The following DROSHA variants were observed in gnomAD, a reference collection of about 807,000 sequenced individuals.
DROSHA encodes the protein drosha ribonuclease III, also known as ribonuclease 3.
A neutral mutation model predicts 181.9 loss-of-function variants in DROSHA; 56 were observed. That is an observed-to-expected ratio of 0.31 (90% CI 0.25 to 0.38). DROSHA has a LOEUF of 0.38. DROSHA is among the 10% of genes least tolerant of loss of function. DROSHA has a pLI of 1.00. For synonymous variants in DROSHA, 524 were observed against 591.2 expected (o/e 0.89, Z 1.65); for missense variants, 1,218 against 1,743.5 (o/e 0.70, Z 5.37).
intron 27 of DROSHA, among the ~76,000 whole-genome samples, chr5:31,425,026 C>G (rs1000405239): frequency 2.6e-5 from 4 of 152,094 alleles, no homozygotes; most frequent in Non-Finnish European, 5.9e-5. Context: ...ATGGAAACCC[C>G]TAGTATATTA....
At chr5:31,487,516 G>A (rs1373391208) in intron 13 of DROSHA, among the ~76,000 whole-genome samples, 2 of 152,160 alleles carry the variant, frequency 1.3e-5, no homozygotes, top group Non-Finnish European at 2.9e-5. Flanking sequence ...TGGCTAGCTG[G>A]GGAAAATAAC....
intron 6 of DROSHA, 30 bp downstream of exon 6, chr5:31,521,093 G>A (rs773033706): frequency 1.2e-5 from 20 of 1,606,056 alleles, no homozygotes; most frequent in South Asian, 1.1e-5. Context: ...ATAATCCTAT[G>A]ACTTCTTTCA....
intron 15 of DROSHA, 54 bp from the exon 16 acceptor site, chr5:31,483,682 A>G (rs918752441): frequency 6.7e-7 from 1 of 1,498,126 alleles, no homozygotes; most frequent in Non-Finnish European, 9.0e-7. Flanking sequence ...GTCTTAAAAA[A>G]CAAGCACTGC....
chr5:31,404,776 C>A (rs1740449927), intron 35 of DROSHA, among the ~76,000 whole-genome samples: 1 of 151,908 alleles, frequency 6.6e-6, no homozygotes. Flanking sequence ...CTAAAAAGCA[C>A]CAATATATAA....
chr5:31,416,444 C>G (rs147752107), intron 30 of DROSHA, among the ~76,000 whole-genome samples: 17 of 151,834 alleles, frequency 1.1e-4, no homozygotes, highest in African/African-American at 2.2e-4. Context: ...CAGTGATGAA[C>G]AAAAACATGC....
At chr5:31,483,468 G>C (rs940673813) in intron 16 of DROSHA, 86 bp downstream of exon 16, 2 of 1,338,016 alleles carry the variant, frequency 1.5e-6, no homozygotes, top group African/African-American at 2.9e-5. Flanking sequence ...AGGTGGGAAA[G>C]TTGTCCCTGA....
rs1335129194 is a variant in DROSHA, at chr5:31,428,142, A to G, written c.3216+1333T>C. On this transcript the variant is annotated intron_variant, in intron 27 of 35. Transcript: ENST00000344624. ...CTCACTAAGTAGACAACTGGGAGAG[A>G]GGCAGTTTAAAGAGAAAAGAATCTA... Among the ~76,000 whole-genome samples the G allele has an allele frequency of 1.3e-5, 2 of 152,296 alleles. 1 individual carries two copies. Among genetic ancestry groups the G allele is most frequent in the South Asian group, 4.2e-4 (2 of 4,814 alleles).
intron 8 of DROSHA, among the ~76,000 whole-genome samples, chr5:31,511,919 TCTCA>T (rs959070534): frequency 6.7e-6 from 1 of 149,160 alleles, no homozygotes; most frequent in Non-Finnish European, 1.5e-5. Context: ...TCTCTCTCTC[TCTCA>T]CACACACGCA....
At chr5:31,486,587 A>C in intron 13 of DROSHA, 25 bp from the exon 14 acceptor site, 1 of 1,606,788 alleles carries the variant, frequency 6.2e-7, no homozygotes, top group Non-Finnish European at 8.5e-7. Flanking sequence ...AGTGAGGTTC[A>C]GTTCCCCAAC....
chr5:31,444,553 T>C (rs1746024364), intron 23 of DROSHA, among the ~76,000 whole-genome samples: 1 of 152,130 alleles, frequency 6.6e-6, no homozygotes, highest in Non-Finnish European at 1.5e-5. Flanking sequence ...ACAATTTACA[T>C]ACCAACAACT....
At chr5:31,422,137 T>C (rs949138614) in intron 29 of DROSHA, among the ~76,000 whole-genome samples, 4 of 150,030 alleles carry the variant, frequency 2.7e-5, no homozygotes, top group African/African-American at 9.8e-5. Flanking sequence ...AATAACATAC[T>C]CCATTATTCA....
At chr5:31,494,379 A>C (rs1007819191) in intron 12 of DROSHA, among the ~76,000 whole-genome samples, 7 of 152,226 alleles carry the variant, frequency 4.6e-5, no homozygotes, top group African/African-American at 1.4e-4. Flanking sequence ...ATCTATTAAG[A>C]ACAACTTGGA....
At chr5:31,416,540 G>A (rs939685977) in intron 30 of DROSHA, among the ~76,000 whole-genome samples, 5 of 152,250 alleles carry the variant, frequency 3.3e-5, no homozygotes, top group Admixed American at 6.5e-5. Context: ...ATGCGGGGGC[G>A]GGATGGGTAA....
At chr5:31,528,523 C>T (rs1255057842) in intron 4 of DROSHA, among the ~76,000 whole-genome samples, 1 of 152,150 alleles carries the variant, frequency 6.6e-6, no homozygotes, top group African/African-American at 2.4e-5. Context: ...TTTAAAATTG[C>T]TGTCACTTAT....
intron 23 of DROSHA, among the ~76,000 whole-genome samples, chr5:31,446,330 C>T (rs546450999): frequency 3.3e-5 from 5 of 151,560 alleles, no homozygotes; most frequent in Non-Finnish European, 5.9e-5. Context: ...GCCTGTAGTC[C>T]CAGCTACTCG....
At chr5:31,432,898 AT>A (rs1744344958) in intron 25 of DROSHA, among the ~76,000 whole-genome samples, 1 of 152,186 alleles carries the variant, frequency 6.6e-6, no homozygotes, top group South Asian at 2.1e-4. Flanking sequence ...GTGAAAGAAT[AT>A]TTTTTATGCA....
chr5:31,504,457 T>C, intron 11 of DROSHA, 98 bp downstream of exon 11: 1 of 1,309,936 alleles, frequency 7.6e-7, no homozygotes, highest in Non-Finnish European at 1.1e-6. Context: ...AAGAGAATTT[T>C]GATGGTATTA....
At chr5:31,404,696 A>G (rs190740019) in intron 35 of DROSHA, among the ~76,000 whole-genome samples, 1 of 152,314 alleles carries the variant, frequency 6.6e-6, no homozygotes, top group African/African-American at 2.4e-5. Flanking sequence ...GCAGTTTCCT[A>G]CAAGGTCAAT....
intron 17 of DROSHA, among the ~76,000 whole-genome samples, chr5:31,468,915 TAG>T (rs1162293638): frequency 6.6e-6 from 1 of 152,138 alleles, no homozygotes; most frequent in Non-Finnish European, 1.5e-5. Context: ...GCCCAACAAT[TAG>T]AGTCTGGTTG....
Sources: allele counts gnomAD v4.1 joint callset (sites outside exome capture counted in the v4.1 genomes callset), GRCh38; gene constraint gnomAD v4.1.1; transcripts MANE v1.5; gene names NCBI Gene and HGNC (gene_info 2026-07-23, HGNC 2026-07-21).